The following HELB variants were observed in gnomAD, a reference collection of about 807,000 sequenced individuals.
HELB encodes the protein DNA 5'-3' helicase B.
Under a neutral mutation model 101.7 loss-of-function variants are expected in HELB, and 96 were observed. The observed-to-expected ratio is 0.94, with a 90% CI of 0.80 to 1.12. The LOEUF (loss-of-function observed/expected upper bound fraction) is 1.12. Among genes scored for constraint, HELB ranks in the 50% most tolerant of loss-of-function variants. The pLI, the probability that HELB is intolerant of heterozygous loss-of-function variation, is 0.00. For missense variants in HELB, 1,210 were observed against 1,291.9 expected, an observed-to-expected ratio of 0.94 and a Z score of 0.97; for synonymous variants, 437 against 459.7, an observed-to-expected ratio of 0.95 and a Z score of 0.63.
intron 8 of HELB, among the ~76,000 whole-genome samples, chr12:66,322,489 C>T (rs567961242): frequency 1.2e-3 from 186 of 149,766 alleles, no homozygotes; most frequent in Non-Finnish European, 2.1e-3. Flanking sequence ...TGCTTGAACC[C>T]GGGAGGTGGA....
chr12:66,308,890 C>T (rs530650228), intron 3 of HELB, among the ~76,000 whole-genome samples: 12 of 152,132 alleles, frequency 7.9e-5, no homozygotes, highest in South Asian at 4.2e-4. Flanking sequence ...GGACACAGTT[C>T]GGCCCATAAA....
intron 12 of HELB, among the ~76,000 whole-genome samples, chr12:66,336,785 G>C (rs576551169): frequency 6.6e-6 from 1 of 152,164 alleles, no homozygotes; most frequent in East Asian, 1.9e-4. Context: ...TGGCAGGGAG[G>C]ATGGACACAG....
chr12:66,326,164 T>C (rs901173039), intron 11 of HELB, among the ~76,000 whole-genome samples: 1 of 152,212 alleles, frequency 6.6e-6, no homozygotes, highest in Non-Finnish European at 1.5e-5. Flanking sequence ...CATCTGTTAT[T>C]AGTGAGTCTC....
Position 66,302,902 on chromosome 12 carries a change from A to G in HELB, c.187+112A>G, listed in dbSNP as rs560306333. On this transcript the variant is annotated intron_variant, in intron 1 of 12. Coordinates refer to ENST00000247815, the MANE Select transcript of HELB (RefSeq NM_001370285.1). Reference sequence around the variant, plus strand: ...GTCGTGCTAACAGATTTAGCTTATCAGTGGTCTAGCTGCTTCATCCTACCA... The same window carrying G: ...GTCGTGCTAACAGATTTAGCTTATCGGTGGTCTAGCTGCTTCATCCTACCA... The G allele has an allele frequency of 1.2e-4, 112 of 901,406 alleles. No homozygotes were observed. In the African/African-American group the frequency reaches 1.6e-3, roughly 13 times the overall value. The allele number at this position is 901,406 out of a possible 1,614,324, so 55.8% of individuals were successfully genotyped here. A position where few individuals can be genotyped will look rare whatever the true frequency, so the allele number is the denominator to read the frequency against.
At position 66,310,469 on chromosome 12, in the gene HELB, C is replaced by T; in HGVS notation, c.1541C>T (p.Ser514Leu). ...CEDFEQDQNASEEWITFTEQS... is the reference protein window; with the variant it reads ...CEDFEQDQNALEEWITFTEQS... ...GATTTTGAACAAGACCAGAATGCTT[C>T]AGAAGAATGGATTACCTTTACTGAG... The change falls in exon 4 of 13, where the codon TCA (serine) becomes TTA (leucine). Residue 514 changes from serine (S) to leucine (L), a missense_variant. This residue lies in a region of HELB where 740 missense variants were observed against 728.8 expected (regional missense o/e 1.02). Transcript: ENST00000247815. The T allele has an allele frequency of 1.2e-6, 2 of 1,614,140 alleles. No individual in the cohort carries two copies. Among genetic ancestry groups the T allele is most frequent in the Non-Finnish European group, 1.7e-6 (2 of 1,180,026 alleles).
chr12:66,306,246 G>C, intron 2 of HELB, 99 bp from the exon 3 acceptor site: 1 of 866,746 alleles, frequency 1.2e-6, no homozygotes, highest in Non-Finnish European at 1.7e-6. Context: ...TTTTGACTTG[G>C]GTTTCTTGAA....
Position 66,331,302 on chromosome 12 carries a change from G to A in HELB, c.2819G>A (p.Ser940Asn), listed in dbSNP as rs1355589780. ...SQLRNAIMKN[S>N]FPRKTRLKHF... Reference sequence around the variant, plus strand: ...CTCCGGAATGCCATTATGAAAAACAGTTTTCCTAGAAAAACTCGTTTGAAA... The same window carrying A: ...CTCCGGAATGCCATTATGAAAAACAATTTTCCTAGAAAAACTCGTTTGAAA... The change falls in exon 12 of 13, where the codon AGT (serine) becomes AAT (asparagine). Residue 940 changes from serine to asparagine, a missense_variant. Physicochemically the swap from Ser to Asn is conservative, Grantham distance 46. Around this residue, in one of 2 missense-constraint regions of HELB, gnomAD observed 740 missense variants for 728.8 expected, o/e 1.02. Coordinates refer to ENST00000247815, the MANE Select transcript of HELB (RefSeq NM_001370285.1). 11 of 1,614,030 alleles carry A rather than the reference G, an allele frequency of 6.8e-6. No homozygotes were observed. In the Middle Eastern group the frequency reaches 1.3e-3, roughly 193 times the overall value.
At chr12:66,317,086 A>C (rs571005506) in intron 6 of HELB, among the ~76,000 whole-genome samples, 21 of 151,704 alleles carry the variant, frequency 1.4e-4, no homozygotes, top group African/African-American at 4.6e-4. Context: ...AATCCCAGCT[A>C]GTCGGGAGGC....
At chr12:66,324,607 T>C (rs562161507) in intron 10 of HELB, 1 of 260,794 alleles carries the variant, frequency 3.8e-6, no homozygotes, top group African/African-American at 2.2e-5. Context: ...GGTTGCCTTG[T>C]ATTTGTTCTC....
At chr12:66,330,289 A>T (rs938206159) in intron 11 of HELB, among the ~76,000 whole-genome samples, 1 of 152,178 alleles carries the variant, frequency 6.6e-6, no homozygotes, top group African/African-American at 2.4e-5. Context: ...TAAAAGACAA[A>T]GGTTCATTGT....
chr12:66,324,891 T>G, intron 10 of HELB, 92 bp from the exon 11 acceptor site: 1 of 1,494,194 alleles, frequency 6.7e-7, no homozygotes, highest in Non-Finnish European at 9.3e-7. Flanking sequence ...TCTTATATTT[T>G]ATGTTTGACC....
chr12:66,307,044 G>A (rs1230452343), intron 3 of HELB, among the ~76,000 whole-genome samples: 2 of 152,156 alleles, frequency 1.3e-5, no homozygotes, highest in Admixed American at 6.5e-5. Context: ...GAGACTATGA[G>A]TAGTAAAGGG....
At chr12:66,340,501 T>C (rs2053909900), downstream of HELB, 1 of 152,094 alleles carries the variant, frequency 6.6e-6, no homozygotes, top group African/African-American at 2.4e-5. Flanking sequence ...TTAGTGAGGG[T>C]TCTCCAGAGG....
At chr12:66,311,086 G>C (rs116898967) in intron 4 of HELB, among the ~76,000 whole-genome samples, 1,834 of 151,872 alleles carry the variant, frequency 0.012, 17 homozygotes, top group Non-Finnish European at 0.018. Flanking sequence ...ATTGTTACCA[G>C]TTTGCATGAG....
chr12:66,319,522 C>T (rs2053647507), intron 7 of HELB, among the ~76,000 whole-genome samples: 1 of 152,150 alleles, frequency 6.6e-6, no homozygotes, highest in African/African-American at 2.4e-5. Flanking sequence ...TTAGCTATTG[C>T]AAGTGAATTT....
Position 66,302,569 on chromosome 12 carries a change from T to C in HELB, c.-35T>C. ...TCATGACCATGCAGTTAGCCAGGGTTTTCCCGAGTTGTTTGGGTTGAGTTC... is the reference window on the plus strand; with the variant it reads ...TCATGACCATGCAGTTAGCCAGGGTCTTCCCGAGTTGTTTGGGTTGAGTTC... On this transcript the variant is annotated 5_prime_UTR_variant, in exon 1 of 13. Coordinates refer to ENST00000247815, the MANE Select transcript of HELB (RefSeq NM_001370285.1). 1 of 1,598,446 alleles carries C rather than the reference T, an allele frequency of 6.3e-7. No homozygotes were observed. Among genetic ancestry groups the C allele is most frequent in the Non-Finnish European group, 8.6e-7 (1 of 1,167,498 alleles).
At position 66,310,429 on chromosome 12, in the gene HELB, A is replaced by T. The variant is rs1592633081; in HGVS notation, c.1501A>T (p.Lys501Ter). 1.2e-6 allele frequency: 2 copies of T among 1,614,112 alleles called. No homozygotes were observed. Among genetic ancestry groups the T allele is most frequent in the Non-Finnish European group, 1.7e-6 (2 of 1,180,010 alleles). The change falls in exon 4 of 13, where the codon AAA (lysine) becomes TAA (stop). Residue 501 changes from lysine (K) to a stop codon, truncating the protein, a stop_gained. Transcript: ENST00000247815. LOFTEE classifies it high-confidence loss of function. Reference sequence around the variant, plus strand: ...AGAGCAGTTGGAAGAAAGAGAAGTAAAAAAAGCCTGTGAAGATTTTGAACA... The same window carrying T: ...AGAGCAGTTGGAAGAAAGAGAAGTATAAAAAGCCTGTGAAGATTTTGAACA... ...HIEQLEEREV[K>*]KACEDFEQDQ...
chr12:66,339,930 A>G (rs1395364536), downstream of HELB: 1 of 152,228 alleles, frequency 6.6e-6, no homozygotes, highest in Non-Finnish European at 1.5e-5. Flanking sequence ...GTGTTGTACC[A>G]GTGATGTGTC....
intron 8 of HELB, among the ~76,000 whole-genome samples, chr12:66,322,445 A>C (rs1009297780): frequency 2.0e-5 from 3 of 151,420 alleles, no homozygotes; most frequent in African/African-American, 7.3e-5. Context: ...CACACCTGTA[A>C]TCCCAGCTAC....
Sources: allele counts gnomAD v4.1 joint callset (sites outside exome capture counted in the v4.1 genomes callset), GRCh38; gene constraint gnomAD v4.1.1; regional missense constraint gnomAD v4.1.1; transcripts MANE v1.5; gene names NCBI Gene and HGNC (gene_info 2026-07-23, HGNC 2026-07-21).